Variants in PCDHGA8 observed in about 807,000 individuals in gnomAD.
PCDHGA8 encodes the protein protocadherin gamma-A8.
In PCDHGA8, 45 loss-of-function variants were observed where a neutral mutation model predicts 59.2. The ratio of observed to expected loss-of-function variants is 0.76; its 90% CI spans 0.60 to 0.98. The LOEUF (loss-of-function observed/expected upper bound fraction) is 0.98. Ranked by LOEUF, PCDHGA8 falls within the 50% of genes least tolerant of loss-of-function variation. PCDHGA8 has a pLI of 0.00. For synonymous variants in PCDHGA8, 531 were observed against 519.0 expected, an observed-to-expected ratio of 1.02 and a Z score of -0.32; for missense variants, 1,257 against 1,196.2, an observed-to-expected ratio of 1.05 and a Z score of -0.75.
In PCDHGA8 at chr5:141,393,481, C is replaced by T; in HGVS notation, c.668C>T (p.Ser223Phe). ...TCGGATGGCGGCAAGCCGCCTCGCT[C>T]TAGCACAGTGCGCATCCACGTGACA... is the stretch of plus-strand genomic sequence containing the variant. The part of the protein sequence containing the change: ...TASDGGKPPR[S>F]STVRIHVTVL... The change falls in exon 1 of 4, where the codon TCT becomes TTT. Residue 223 changes from serine (S) to phenylalanine (F), a missense_variant. Physicochemically the swap from Ser to Phe is radical, Grantham distance 155 (BLOSUM62 -2). Transcript: ENST00000398604. 1 of 1,614,066 alleles carries T rather than the reference C, an allele frequency of 6.2e-7. No individual in the cohort carries two copies.
chr5:141,414,657 C>T (rs1313928067), intron 1 of PCDHGA8: 1 of 1,614,004 alleles, frequency 6.2e-7, no homozygotes, highest in Admixed American at 1.7e-5. Context: ...TTATTTACTC[C>T]CTGGCTGAAG....
In PCDHGA8 at chr5:141,493,577, T is replaced by C. The variant is rs2099749081; in HGVS notation, c.2425-1230T>C. On this transcript the variant is annotated intron_variant, in intron 1 of 3. Coordinates refer to ENST00000398604, the MANE Select transcript of PCDHGA8 (RefSeq NM_032088.2). This position sits in a 1 kb window ranked among gnomAD's most constrained non-coding sequence, Gnocchi z 4.3. ...GAGTTCCCCCAGCTCCGTTTCCTCC[T>C]ATCACAATCACTGCATTTCCATGTA... Among the ~76,000 whole-genome samples, 2 of 152,208 alleles carry C rather than the reference T, an allele frequency of 1.3e-5. No homozygotes were observed. The highest frequency in any genetic ancestry group is 1.3e-4 in the Admixed American group (2 of 15,280).
chr5:141,465,781 T>G (rs2099109506), intron 1 of PCDHGA8, among the ~76,000 whole-genome samples: 1 of 150,278 alleles, frequency 6.7e-6, no homozygotes, highest in Non-Finnish European at 1.5e-5. Context: ...TTGTTACAGT[T>G]TTTTTTTTTT....
At chr5:141,401,566 C>G (rs2094168998) in intron 1 of PCDHGA8, among the ~76,000 whole-genome samples, 1 of 152,312 alleles carries the variant, frequency 6.6e-6, no homozygotes, top group African/African-American at 2.4e-5. Context: ...CTGAATTTCT[C>G]TTGCTCGGAA....
intron 1 of PCDHGA8, among the ~76,000 whole-genome samples, chr5:141,446,686 C>T (rs574630887): frequency 1.3e-5 from 2 of 152,294 alleles, no homozygotes; most frequent in African/African-American, 4.8e-5. Context: ...CCATATTGGC[C>T]AGGCTGGTCT....
intron 1 of PCDHGA8, chr5:141,411,968 T>C (rs1257112227): frequency 6.6e-6 from 1 of 152,260 alleles, no homozygotes; most frequent in Non-Finnish European, 1.5e-5. Flanking sequence ...GATAAAATCT[T>C]TGAAGAGTTC....
At position 141,428,400 on chromosome 5, in the gene PCDHGA8, G is replaced by T. The variant is rs373595231; in HGVS notation, c.2424+33163G>T. 3 of 483,290 alleles carry T rather than the reference G, an allele frequency of 6.2e-6. No individual in the cohort carries two copies. The East Asian group carries it at 1.2e-4, about 20-fold the overall frequency. 29.9% of individuals were successfully genotyped at this position (483,290 alleles called of 1,614,324 possible). ...GATGCTCTTCCAGCCCCTCTGCCTGGGGTTGCTTTCACCCTGGTCTCTGTT... is the reference window on the plus strand; with the variant it reads ...GATGCTCTTCCAGCCCCTCTGCCTGTGGTTGCTTTCACCCTGGTCTCTGTT... On this transcript the variant is annotated intron_variant, in intron 1 of 3. Coordinates refer to ENST00000398604, the MANE Select transcript of PCDHGA8 (RefSeq NM_032088.2).
intron 1 of PCDHGA8, chr5:141,408,828 G>C: frequency 6.2e-7 from 1 of 1,613,614 alleles, no homozygotes; most frequent in East Asian, 2.2e-5. Context: ...AGATCTCATA[G>C]CTTGATATTG....
rs753581561 is a variant in PCDHGA8, at chr5:141,485,195, T to G, written c.2425-9612T>G. 2.2e-5 allele frequency: 36 copies of G among 1,613,912 alleles called. No homozygotes were observed. Among genetic ancestry groups the G allele is most frequent in the Non-Finnish European group, 1.4e-5 (16 of 1,179,906 alleles). ...AGCAATGCTCCGCAAGGTGAGAAGC[T>G]GGACAGAAATCTGGCGGTGGGCTAC... is the stretch of plus-strand genomic sequence containing the variant. On this transcript the variant is annotated intron_variant, in intron 1 of 3. Transcript: ENST00000398604. The surrounding 1 kb of genome is among the most constrained non-coding windows in gnomAD (Gnocchi z 5.7).
intron 1 of PCDHGA8, chr5:141,428,003 C>A (rs1175875944): frequency 2.5e-6 from 4 of 1,601,244 alleles, no homozygotes; most frequent in Non-Finnish European, 3.4e-6. Context: ...CCGCACTCTT[C>A]GATATAGTGC....
rs1197249074 is a variant in PCDHGA8 at position 141,438,579 on chromosome 5, CATACATACATACATATATAT to C, written c.2424+43346_2424+43365del. ...AAGAGGCAGCTGTCTGATATACATACATACATACATACATATATATATATATATATATATATATATATATA... is the reference window on the plus strand; with the variant it reads ...AAGAGGCAGCTGTCTGATATACATACATATATATATATATATATATATATA... On this transcript the variant is annotated intron_variant, in intron 1 of 3. Transcript: ENST00000398604. Among the ~76,000 whole-genome samples the C allele has an allele frequency of 5.3e-3, 298 of 55,734 alleles. 1 individual carries two copies. Among genetic ancestry groups the C allele is most frequent in the Admixed American group, 0.022 (77 of 3,542 alleles). The allele number at this position is 55,734 out of a possible 152,430, so 36.6% of individuals were successfully genotyped here.
intron 1 of PCDHGA8, among the ~76,000 whole-genome samples, chr5:141,400,846 A>G (rs1273650139): frequency 6.6e-6 from 1 of 152,190 alleles, no homozygotes; most frequent in Non-Finnish European, 1.5e-5. Context: ...ACATGTTTAT[A>G]TTTTATTGTA....
intron 1 of PCDHGA8, among the ~76,000 whole-genome samples, chr5:141,455,749 C>A (rs2098830563): frequency 6.6e-6 from 1 of 152,086 alleles, no homozygotes; most frequent in Non-Finnish European, 1.5e-5. Context: ...AGGTTGCTGG[C>A]CTGGCTCCTA....
chr5:141,487,377 C>T lies in PCDHGA8; in HGVS notation c.2425-7430C>T, dbSNP rs758216933. Reference sequence around the variant, plus strand: ...CCTGCTGGCACCTGTGCCTGTCTCACCAGATCTCGAAGGAGGGAGGGGCTT... The same window carrying T: ...CCTGCTGGCACCTGTGCCTGTCTCATCAGATCTCGAAGGAGGGAGGGGCTT... On this transcript the variant is annotated intron_variant, in intron 1 of 3. Transcript: ENST00000398604. The surrounding 1 kb of genome is among the most constrained non-coding windows in gnomAD (Gnocchi z 5.0). 6.2e-7 allele frequency: 1 copy of T among 1,614,190 alleles called. No homozygotes were observed. Among genetic ancestry groups the T allele is most frequent in the Non-Finnish European group, 8.5e-7 (1 of 1,180,034 alleles).
rs1183407162 is a variant in PCDHGA8 at position 141,422,793 on chromosome 5, C to G, written c.2424+27556C>G. 3 of 1,614,110 alleles carry G rather than the reference C, an allele frequency of 1.9e-6. No individual in the cohort carries two copies. The South Asian group carries it at 3.3e-5, about 18-fold the overall frequency. On this transcript the variant is annotated intron_variant, in intron 1 of 3. Transcript: ENST00000398604. Reference sequence around the variant, plus strand: ...TTCTCTATGCCCTACAATCCTTCGACTATGAGCAGTTTCGAGACTTAGAAC... The same window carrying G: ...TTCTCTATGCCCTACAATCCTTCGAGTATGAGCAGTTTCGAGACTTAGAAC...
intron 1 of PCDHGA8, among the ~76,000 whole-genome samples, chr5:141,397,505 T>A (rs2093531906): frequency 6.6e-6 from 1 of 152,158 alleles, no homozygotes; most frequent in South Asian, 2.1e-4. Context: ...ATGATAAAAT[T>A]GTTTCCATAG....
intron 1 of PCDHGA8, among the ~76,000 whole-genome samples, chr5:141,425,159 G>C (rs557552439): frequency 6.6e-6 from 1 of 152,126 alleles, no homozygotes; most frequent in South Asian, 2.1e-4. Context: ...AGCATCTAGG[G>C]ATAGGATTTA....
At chr5:141,437,764 A>G (rs1408729040) in intron 1 of PCDHGA8, among the ~76,000 whole-genome samples, 1 of 149,226 alleles carries the variant, frequency 6.7e-6, no homozygotes, top group Non-Finnish European at 1.5e-5. Flanking sequence ...TTTGAGACAG[A>G]GTCTCAATCT....
chr5:141,419,378 G>C (rs777509820), intron 1 of PCDHGA8: 3 of 1,613,712 alleles, frequency 1.9e-6, no homozygotes, highest in Admixed American at 3.3e-5. Context: ...CTACGTGTCC[G>C]TGAGCGCGCA....
Sources: allele counts gnomAD v4.1 joint callset (sites outside exome capture counted in the v4.1 genomes callset), GRCh38; gene constraint gnomAD v4.1.1; non-coding constraint Gnocchi (gnomAD v3.1); transcripts MANE v1.5; gene names NCBI Gene and HGNC (gene_info 2026-07-23, HGNC 2026-07-21).